DPH3: variants seen among roughly 807,000 people sequenced by gnomAD.
DPH3 encodes diphthamide biosynthesis 3, also known as diphthamide biosynthesis protein 3.
DPH3 carries 8 observed loss-of-function variants against 10.2 expected under a neutral mutation model. That is an observed-to-expected ratio of 0.79 (90% CI 0.46 to 1.42). The LOEUF (loss-of-function observed/expected upper bound fraction) is 1.42. Among genes scored for constraint, DPH3 ranks in the 40% most tolerant of loss-of-function variants. DPH3 has a pLI of 0.00. For missense variants in DPH3, 96 were observed against 98.9 expected (o/e 0.97, Z 0.12); for synonymous variants, 35 against 35.6 (o/e 0.98, Z 0.06).
chr3:16,263,144 A>C lies in DPH3; in HGVS notation c.183+1011T>G, dbSNP rs1344392572. ...CTCACAACAAGAGCCTAAGTCCTTA[A>C]AGTGATCCACAACTTCTTACGCTAC... On this transcript the variant is annotated intron_variant, in intron 2 of 2. Coordinates refer to ENST00000488423, the MANE Select transcript of DPH3 (RefSeq NM_206831.3). This position sits in a 1 kb window ranked among gnomAD's most constrained non-coding sequence, Gnocchi z 4.0. Among the ~76,000 whole-genome samples, 1 of 92,748 alleles carries C rather than the reference A, an allele frequency of 1.1e-5. No individual in the cohort carries two copies. The highest frequency in any genetic ancestry group is 1.1e-4 in the Admixed American group (1 of 9,268). 60.8% of individuals were successfully genotyped at this position (92,748 alleles called of 152,430 possible). A position where few individuals can be genotyped will look rare whatever the true frequency, so the allele number is the denominator to read the frequency against.
chr3:16,260,904 G>C, intron 2 of DPH3, 75 bp from the exon 3 acceptor site: 1 of 1,323,010 alleles, frequency 7.6e-7, no homozygotes, highest in Non-Finnish European at 1.1e-6. Context: ...CCTTCATTTT[G>C]TTACAGCATC....
At chr3:16,264,376 TGCC>T in intron 1 of DPH3, 147 bp from the exon 2 acceptor site, 1 of 557,402 alleles carries the variant, frequency 1.8e-6, no homozygotes, top group Non-Finnish European at 3.1e-6. Context: ...CAGCGAGAAA[TGCC>T]GACATCATTT....
chr3:16,260,026 TTTTTC>T lies in DPH3; in HGVS notation c.*733_*737del, dbSNP rs747334442. On this transcript the variant is annotated 3_prime_UTR_variant, in exon 3 of 3. Transcript: ENST00000488423. ...TCACCAATTTCACTTCTTTTGGATG[TTTTTC>T]TTTTCATCTTGTCCTGACTTCCAAG... is the stretch of plus-strand genomic sequence containing the variant. 6.6e-5 allele frequency: 10 copies of T among 152,256 alleles called. No individual in the cohort carries two copies. Among genetic ancestry groups the T allele is most frequent in the Non-Finnish European group, 1.0e-4 (7 of 68,042 alleles). The allele number at this position is 152,256 out of a possible 1,614,324, so 9.4% of individuals were successfully genotyped here.
At chr3:16,264,119 A>G in intron 2 of DPH3, 36 bp downstream of exon 2, 2 of 1,506,676 alleles carry the variant, frequency 1.3e-6, no homozygotes, top group Middle Eastern at 1.7e-4. Flanking sequence ...ACTGACTTAC[A>G]ATACCCTTCC....
rs1261692900 is a variant in DPH3, at chr3:16,263,282, A to C, written c.183+873T>G. 6.6e-6 allele frequency among the ~76,000 whole-genome samples: 1 copy of C among 151,554 alleles called. No homozygotes were observed. Among genetic ancestry groups the C allele is most frequent in the Admixed American group, 6.6e-5 (1 of 15,198 alleles). ...GAACGATCCTTTGCTCGACTCTCTT[A>C]CCTCATACCCTCATATGTACATGGC... On this transcript the variant is annotated intron_variant, in intron 2 of 2. Coordinates refer to ENST00000488423, the MANE Select transcript of DPH3 (RefSeq NM_206831.3). This position sits in a 1 kb window ranked among gnomAD's most constrained non-coding sequence, Gnocchi z 4.0.
Position 16,264,726 on chromosome 3 carries a change from T to C in DPH3, c.108+43A>G, listed in dbSNP as rs1210825975. 3 of 1,592,952 alleles carry C rather than the reference T, an allele frequency of 1.9e-6. No individual in the cohort carries two copies. In the African/African-American group the frequency reaches 4.0e-5, roughly 21 times the overall value. On this transcript the variant is annotated intron_variant, in intron 1 of 2. Transcript: ENST00000488423. ...ATGGAAGGAACGGGCGGAACCAAAC[T>C]GCGCTTGCTTGGGTGAACCGCCGGG...
rs1332922810 is a variant in DPH3 at position 16,262,187 on chromosome 3, T to C, written c.184-1358A>G. Among the ~76,000 whole-genome samples, 1 of 152,234 alleles carries C rather than the reference T, an allele frequency of 6.6e-6. No homozygotes were observed. The highest frequency in any genetic ancestry group is 1.5e-5 in the Non-Finnish European group (1 of 68,038). ...ACCACTGGTTACTGTCCCATGTCTG[T>C]GCTCTCCTTTGCAGCAAACTCCTTA... On this transcript the variant is annotated intron_variant, in intron 2 of 2. Transcript: ENST00000488423. The surrounding 1 kb of genome is among the most constrained non-coding windows in gnomAD (Gnocchi z 4.7).
At chr3:16,264,342 G>A (rs1209261816) in intron 1 of DPH3, 113 bp from the exon 2 acceptor site, 4 of 763,208 alleles carry the variant, frequency 5.2e-6, no homozygotes, top group East Asian at 2.9e-5. Flanking sequence ...TTCCCCCCAA[G>A]GTGGGTGAGA....
rs778906936 is a variant in DPH3, at chr3:16,261,971, C to T, written c.184-1142G>A. Reference sequence around the variant, plus strand: ...CACCATATTCATCCTACCACCCTTTCACTGCCCCTCACTCCCTTCATGTTC... The same window carrying T: ...CACCATATTCATCCTACCACCCTTTTACTGCCCCTCACTCCCTTCATGTTC... On this transcript the variant is annotated intron_variant, in intron 2 of 2. Transcript: ENST00000488423. The surrounding 1 kb of genome is among the most constrained non-coding windows in gnomAD (Gnocchi z 7.1). Among the ~76,000 whole-genome samples, 2 of 147,980 alleles carry T rather than the reference C, an allele frequency of 1.4e-5. No individual in the cohort carries two copies. Among genetic ancestry groups the T allele is most frequent in the African/African-American group, 2.5e-5 (1 of 39,604 alleles).
Position 16,263,298 on chromosome 3 carries a change from T to C in DPH3, c.183+857A>G, listed in dbSNP as rs141138004. The stretch of plus-strand genomic sequence containing the variant: ...GACTCTCTTACCTCATACCCTCATA[T>C]GTACATGGCTCACTCCCTCACCTCC... On this transcript the variant is annotated intron_variant, in intron 2 of 2. Coordinates refer to ENST00000488423, the MANE Select transcript of DPH3 (RefSeq NM_206831.3). This position sits in a 1 kb window ranked among gnomAD's most constrained non-coding sequence, Gnocchi z 4.0. Among the ~76,000 whole-genome samples the C allele has an allele frequency of 2.6e-4, 39 of 152,282 alleles. No homozygotes were observed. The highest frequency in any genetic ancestry group is 8.7e-4 in the African/African-American group (36 of 41,546).
At position 16,257,643 on chromosome 3, in the gene DPH3, T is replaced by C. The variant is rs889985559; in HGVS notation, c.*3121A>G. On this transcript the variant is annotated 3_prime_UTR_variant, in exon 3 of 3. Coordinates refer to ENST00000488423, the MANE Select transcript of DPH3 (RefSeq NM_206831.3). ...CACAGTGGAGGAACTAAGATTCAAA[T>C]TGTCTTCTGACCAGAGCTGGGCTCT... Among the ~76,000 whole-genome samples the C allele has an allele frequency of 1.3e-5, 2 of 152,218 alleles. No homozygotes were observed. The highest frequency in any genetic ancestry group is 2.1e-4 in the South Asian group (1 of 4,834).
In DPH3 at chr3:16,264,921, G is replaced by A. The variant is rs748426909; in HGVS notation, c.-45C>T. 13 of 1,605,728 alleles carry A rather than the reference G, an allele frequency of 8.1e-6. No homozygotes were observed. Among genetic ancestry groups the A allele is most frequent in the East Asian group, 2.2e-5 (1 of 44,808 alleles). ...AGGGGTAACGCCCCAGCAGTCCGAGGCCAGCTCCGAGGGTTTAACTTCGCC... is the reference window on the plus strand; with the variant it reads ...AGGGGTAACGCCCCAGCAGTCCGAGACCAGCTCCGAGGGTTTAACTTCGCC... On this transcript the variant is annotated 5_prime_UTR_variant, in exon 1 of 3. Transcript: ENST00000488423.
In DPH3 at chr3:16,264,244, A is replaced by G; in HGVS notation, c.109-15T>C. ...TCCAAATCTTCCTACAACGAAATCA[A>G]ATACCATGTGGTCAGGATAGCTTCT... On this transcript the variant is annotated splice_polypyrimidine_tract_variant and intron_variant, in intron 1 of 2. Transcript: ENST00000488423. The G allele has an allele frequency of 6.3e-7, 1 of 1,595,572 alleles. No homozygotes were observed. The highest frequency in any genetic ancestry group is 8.6e-7 in the Non-Finnish European group (1 of 1,167,838).
In DPH3 at chr3:16,257,886, C is replaced by T. The variant is rs1202130076; in HGVS notation, c.*2878G>A. 1 of 152,050 alleles carries T rather than the reference C, an allele frequency of 6.6e-6. No homozygotes were observed. The highest frequency in any genetic ancestry group is 1.5e-5 in the Non-Finnish European group (1 of 68,002). The allele number at this position is 152,050 out of a possible 1,614,324, so 9.4% of individuals were successfully genotyped here. ...ATAACAAAAAGTCTATTAACAATAC[C>T]CCAAAGCAGTTAAGATTTCTACCTC... On this transcript the variant is annotated 3_prime_UTR_variant, in exon 3 of 3. Transcript: ENST00000488423.
At chr3:16,264,689 G>C in intron 1 of DPH3, 80 bp downstream of exon 1, 1 of 1,384,682 alleles carries the variant, frequency 7.2e-7, no homozygotes, top group Non-Finnish European at 1.0e-6. Flanking sequence ...GCGCAGCAAA[G>C]GCTACCCAAT....
chr3:16,264,714 G>A, intron 1 of DPH3, 55 bp downstream of exon 1: 1 of 1,552,222 alleles, frequency 6.4e-7, no homozygotes, highest in Non-Finnish European at 8.8e-7. Flanking sequence ...GAAGGAACGG[G>A]CGGAACCAAA....
Position 16,257,753 on chromosome 3 carries a change from C to G in DPH3, c.*3011G>C, listed in dbSNP as rs2064262022. On this transcript the variant is annotated 3_prime_UTR_variant, in exon 3 of 3. Coordinates refer to ENST00000488423, the MANE Select transcript of DPH3 (RefSeq NM_206831.3). ...AACTGAGTTACTCATCTAAGAATGT[C>G]AACTTTGTCTTACTACCACTTGACT... Among the ~76,000 whole-genome samples, 1 of 152,192 alleles carries G rather than the reference C, an allele frequency of 6.6e-6. No individual in the cohort carries two copies.
rs2064285338 is a variant in DPH3 at position 16,260,507 on chromosome 3, T to C, written c.*257A>G. ...TGAAACCAAGGGAAAGAAAGCACTG[T>C]TTTGAAATTATCTTCTTTTAAATTT... On this transcript the variant is annotated 3_prime_UTR_variant, in exon 3 of 3. Coordinates refer to ENST00000488423, the MANE Select transcript of DPH3 (RefSeq NM_206831.3). 1 of 416,222 alleles carries C rather than the reference T, an allele frequency of 2.4e-6. No homozygotes were observed. The highest frequency in any genetic ancestry group is 4.4e-6 in the Non-Finnish European group (1 of 228,190). 25.8% of individuals were successfully genotyped at this position (416,222 alleles called of 1,614,324 possible).
intron 2 of DPH3, among the ~76,000 whole-genome samples, 164 bp from the exon 3 acceptor site, chr3:16,260,993 T>G (rs1397634236): frequency 6.6e-6 from 1 of 152,226 alleles, no homozygotes; most frequent in African/African-American, 2.4e-5. Flanking sequence ...GCACCAGAAG[T>G]AGAATCTTAA....
Sources: allele counts gnomAD v4.1 joint callset (sites outside exome capture counted in the v4.1 genomes callset), GRCh38; gene constraint gnomAD v4.1.1; non-coding constraint Gnocchi (gnomAD v3.1); transcripts MANE v1.5; gene names NCBI Gene and HGNC (gene_info 2026-07-23, HGNC 2026-07-21).